The following FAR1 variants were observed in gnomAD, a reference collection of about 807,000 sequenced individuals.
FAR1 encodes fatty acyl-CoA reductase 1, also known as male sterility domain-containing protein 2.
FAR1 carries 22 observed loss-of-function variants against 61.1 expected under a neutral mutation model. That is an observed-to-expected ratio of 0.36 (90% CI 0.26 to 0.51). FAR1 has a LOEUF of 0.51. FAR1 is among the 20% of genes least tolerant of loss of function. The pLI, the probability that FAR1 is intolerant of heterozygous loss-of-function variation, is 0.95. For synonymous variants in FAR1, 206 were observed against 209.7 expected, an observed-to-expected ratio of 0.98 and a Z score of 0.15; for missense variants, 359 against 626.9, an observed-to-expected ratio of 0.57 and a Z score of 4.56.
rs35499606 is a variant in FAR1, at chr11:13,707,714, A to AT, written c.366-179dup. Reference sequence around the variant, plus strand: ...ACAAGGCAGGTTATTTTATAATCAAATTTTTTTAACACAGCTGATAAACAT... The same window carrying AT: ...ACAAGGCAGGTTATTTTATAATCAAATTTTTTTTAACACAGCTGATAAACAT... On this transcript the variant is annotated intron_variant, in intron 3 of 11. Transcript: ENST00000354817. Among the ~76,000 whole-genome samples the AT allele has an allele frequency of 7.2e-5, 11 of 152,266 alleles. No individual in the cohort carries two copies. In the East Asian group the frequency reaches 7.7e-4, roughly 11 times the overall value.
chr11:13,722,554 A>G (rs1591272307), intron 10 of FAR1, among the ~76,000 whole-genome samples: 1 of 151,754 alleles, frequency 6.6e-6, no homozygotes, highest in Non-Finnish European at 1.5e-5. Flanking sequence ...GCTCACTGCA[A>G]CCTCTGCCTC....
intron 4 of FAR1, among the ~76,000 whole-genome samples, chr11:13,708,455 A>G (rs949474045): frequency 2.9e-4 from 42 of 146,056 alleles, no homozygotes; most frequent in African/African-American, 7.5e-4. Context: ...GCGCACACAC[A>G]CACACACACA....
At chr11:13,713,134 G>A (rs1848517922) in intron 8 of FAR1, 101 bp downstream of exon 8, 1 of 963,402 alleles carries the variant, frequency 1.0e-6, no homozygotes, top group African/African-American at 1.6e-5. Flanking sequence ...TAAGGCCACT[G>A]AGTTACCAAT....
intron 1 of FAR1, among the ~76,000 whole-genome samples, chr11:13,693,195 A>T (rs990247691): frequency 1.1e-4 from 17 of 152,216 alleles, no homozygotes; most frequent in East Asian, 3.9e-4. Context: ...TAATGAGCTT[A>T]AAAAAAATCA....
Position 13,712,005 on chromosome 11 carries a change from C to G in FAR1, c.846C>G (p.Val282=). 1.2e-6 allele frequency: 2 copies of G among 1,613,310 alleles called. No homozygotes were observed. The highest frequency in any genetic ancestry group is 8.5e-7 in the Non-Finnish European group (1 of 1,179,474). Reference sequence around the variant, plus strand: ...ATCTTGTTCCTGTAGATGTAGTTGTCAACATGAGTCTTGCGGCAGCCTGGT... The same window carrying G: ...ATCTTGTTCCTGTAGATGTAGTTGTGAACATGAGTCTTGCGGCAGCCTGGT... ...LADLVPVDVV[V]NMSLAAAWYS... is the part of the protein sequence containing the mutation. Residue 282 remains valine (V), a synonymous_variant, in exon 7 of 12, where the codon GTC becomes GTG. Coordinates refer to ENST00000354817, the MANE Select transcript of FAR1 (RefSeq NM_032228.6).
At chr11:13,684,672 A>G (rs1206102686) in intron 1 of FAR1, among the ~76,000 whole-genome samples, 1 of 152,202 alleles carries the variant, frequency 6.6e-6, no homozygotes, top group Non-Finnish European at 1.5e-5. Context: ...TTGTTTCTAT[A>G]AAGGGCCTAC....
chr11:13,705,118 T>C (rs1263488364), intron 3 of FAR1, among the ~76,000 whole-genome samples: 1 of 152,152 alleles, frequency 6.6e-6, no homozygotes, highest in African/African-American at 2.4e-5. Flanking sequence ...CTTCATTTAG[T>C]GAAGGATTCT....
rs571353636 is a variant in FAR1, at chr11:13,712,309, C to T, written c.887+263C>T. Among the ~76,000 whole-genome samples the T allele has an allele frequency of 1.4e-3, 218 of 151,568 alleles. 1 individual carries two copies. Among genetic ancestry groups the T allele is most frequent in the African/African-American group, 5.1e-3 (210 of 41,382 alleles). The stretch of plus-strand genomic sequence containing the variant: ...TAAAAATGAAAAAAAAAAAAATACC[C>T]TCCCCTAAGCATGATTTTTTAATCC... On this transcript the variant is annotated intron_variant, in intron 7 of 11. Coordinates refer to ENST00000354817, the MANE Select transcript of FAR1 (RefSeq NM_032228.6).
chr11:13,708,447 G>GCA (rs61253307), intron 4 of FAR1, among the ~76,000 whole-genome samples: 6,454 of 136,616 alleles, frequency 0.047, 253 homozygotes, highest in East Asian at 0.2. Flanking sequence ...GCGCGCGCGC[G>GCA]CACACACACA....
chr11:13,673,852 T>G (rs1485766185), intron 1 of FAR1, among the ~76,000 whole-genome samples: 1 of 152,244 alleles, frequency 6.6e-6, no homozygotes, highest in African/African-American at 2.4e-5. Context: ...CACATAAGTA[T>G]CTTACCAATT....
chr11:13,715,241 GA>G (rs1338682523), intron 9 of FAR1, among the ~76,000 whole-genome samples: 1 of 152,116 alleles, frequency 6.6e-6, no homozygotes, highest in Non-Finnish European at 1.5e-5. Flanking sequence ...TTTACCTTTA[GA>G]TTTACTCACC....
rs1305694964 is a variant in FAR1 at position 13,711,752 on chromosome 11, T to A, written c.724-12T>A. 6.3e-7 allele frequency: 1 copy of A among 1,584,080 alleles called. No individual in the cohort carries two copies. Among genetic ancestry groups the A allele is most frequent in the Middle Eastern group, 2.3e-4 (1 of 4,428 alleles). On this transcript the variant is annotated splice_polypyrimidine_tract_variant and intron_variant, in intron 5 of 11. Coordinates refer to ENST00000354817, the MANE Select transcript of FAR1 (RefSeq NM_032228.6). ...TCTAAGCTTCTCTCCCTTTTAAAAT[T>A]TTTGGTATTAGGGATGGATTGATAA...
intron 9 of FAR1, chr11:13,715,884 A>G (rs1848549949): frequency 2.0e-5 from 3 of 152,234 alleles, no homozygotes; most frequent in South Asian, 2.1e-4. Context: ...CAACTACTCA[A>G]AAAATAAAAG....
rs140943706 is a variant in FAR1, at chr11:13,722,843, C to CCTCTCT, written c.1257+995_1257+1000dup. 9.1e-3 allele frequency among the ~76,000 whole-genome samples: 1,296 copies of CCTCTCT among 143,084 alleles called. 19 individuals are homozygous for CCTCTCT. Among genetic ancestry groups the CCTCTCT allele is most frequent in the African/African-American group, 0.025 (996 of 39,236 alleles). The allele number at this position is 143,084 out of a possible 152,430, so 93.9% of individuals were successfully genotyped here. On this transcript the variant is annotated intron_variant, in intron 10 of 11. Transcript: ENST00000354817. ...CATTTAGTTTTTATTTAGATTTCTC[C>CCTCTCT]CTCTCTCTCTCTCTCTATATATATA...
In FAR1 at chr11:13,712,527, C is replaced by T. The variant is rs554411114; in HGVS notation, c.888-439C>T. On this transcript the variant is annotated intron_variant, in intron 7 of 11. Transcript: ENST00000354817. ...TTTTTTTTTCTAGGTAGTAAACTACCCTTATTTTTGATAATCAGTATTTTC... is the reference window on the plus strand; with the variant it reads ...TTTTTTTTTCTAGGTAGTAAACTACTCTTATTTTTGATAATCAGTATTTTC... Among the ~76,000 whole-genome samples, 5 of 151,470 alleles carry T rather than the reference C, an allele frequency of 3.3e-5. No homozygotes were observed. The South Asian group carries it at 1.0e-3, about 32-fold the overall frequency.
At chr11:13,669,028 C>T (rs1202693256) in intron 1 of FAR1, among the ~76,000 whole-genome samples, 1 of 152,160 alleles carries the variant, frequency 6.6e-6, no homozygotes, top group Admixed American at 6.5e-5. Flanking sequence ...CTTCACAGGG[C>T]CGGGACCGCG....
chr11:13,688,726 G>C (rs1165361653), intron 1 of FAR1, among the ~76,000 whole-genome samples: 4 of 152,050 alleles, frequency 2.6e-5, no homozygotes, highest in Admixed American at 6.5e-5. Flanking sequence ...AATATATATT[G>C]AGTATGTAAT....
At chr11:13,706,528 A>T (rs886854466) in intron 3 of FAR1, among the ~76,000 whole-genome samples, 7 of 151,904 alleles carry the variant, frequency 4.6e-5, no homozygotes, top group Non-Finnish European at 1.0e-4. Flanking sequence ...AGGTATATAT[A>T]TTTTTCATTT....
At chr11:13,681,894 T>A (rs11022932) in intron 1 of FAR1, among the ~76,000 whole-genome samples, 7,534 of 152,136 alleles carry the variant, frequency 0.05, 226 homozygotes, top group African/African-American at 0.075. Context: ...TCTGTGCTTT[T>A]TTATTATTAT....
Sources: gnomAD v4.1 joint callset for allele counts (sites outside exome capture counted in the v4.1 genomes callset) on GRCh38, gnomAD v4.1.1 for gene constraint, MANE v1.5 for transcripts, NCBI Gene and HGNC (gene_info 2026-07-23, HGNC 2026-07-21) for gene names.